The following NXPE1 variants were observed in gnomAD, a reference collection of about 807,000 sequenced individuals.
NXPE1 encodes the protein neurexophilin and PC-esterase domain family member 1.
In NXPE1, 31 loss-of-function variants were observed where a neutral mutation model predicts 33.3. That is an observed-to-expected ratio of 0.93 (90% CI 0.70 to 1.26). NXPE1 has a LOEUF of 1.26. Among genes scored for constraint, NXPE1 ranks in the 50% most tolerant of loss-of-function variants. The pLI is 0.00. For synonymous variants in NXPE1, 229 were observed against 231.4 expected, an observed-to-expected ratio of 0.99 and a Z score of 0.09; for missense variants, 661 against 655.6, an observed-to-expected ratio of 1.01 and a Z score of -0.09.
intron 5 of NXPE1, among the ~76,000 whole-genome samples, chr11:114,536,019 C>G (rs1239290730): frequency 6.6e-6 from 1 of 152,096 alleles, no homozygotes; most frequent in Non-Finnish European, 1.5e-5. Flanking sequence ...CAAAATTGAC[C>G]ACATAGTTGG....
At chr11:114,545,042 T>A (rs1298483005) in intron 5 of NXPE1, among the ~76,000 whole-genome samples, 2 of 152,002 alleles carry the variant, frequency 1.3e-5, no homozygotes, top group African/African-American at 4.8e-5. Flanking sequence ...ATGGCTAAAA[T>A]TTAAAAAAAA....
intron 5 of NXPE1, among the ~76,000 whole-genome samples, chr11:114,539,872 T>C (rs533807667): frequency 6.6e-6 from 1 of 152,262 alleles, no homozygotes; most frequent in South Asian, 2.1e-4. Flanking sequence ...TCGTAAATTG[T>C]ATCAAGAAAA....
At chr11:114,528,536 A>T (rs1158045095) in intron 6 of NXPE1, among the ~76,000 whole-genome samples, 1 of 152,204 alleles carries the variant, frequency 6.6e-6, no homozygotes, top group Non-Finnish European at 1.5e-5. Context: ...AAGGAAGGTA[A>T]TGTGTGTGTC....
rs369157635 is a variant in NXPE1, at chr11:114,521,798, G to C, written c.*170C>G. The C allele has an allele frequency of 1.7e-4, 92 of 552,462 alleles. 1 individual carries two copies. In the South Asian group the frequency reaches 2.5e-3, roughly 15 times the overall value. 34.2% of individuals were successfully genotyped at this position (552,462 alleles called of 1,614,324 possible). A position where few individuals can be genotyped will look rare whatever the true frequency, so the allele number is the denominator to read the frequency against. ...GTCATTCTTCATGAATGATTCTCTT[G>C]GTTTTGCATCCCTTATCAGTTGTCA... is the stretch of plus-strand genomic sequence containing the variant. On this transcript the variant is annotated 3_prime_UTR_variant, in exon 9 of 9. Coordinates refer to ENST00000534921, the Ensembl canonical transcript of NXPE1.
At chr11:114,526,844 A>AG (rs1947385068) in intron 7 of NXPE1, among the ~76,000 whole-genome samples, 2 of 152,232 alleles carry the variant, frequency 1.3e-5, no homozygotes, top group Non-Finnish European at 2.9e-5. Flanking sequence ...ATGACAGGCA[A>AG]TTAGAAATTA....
At chr11:114,530,964 C>A in intron 5 of NXPE1, 56 bp from the exon 6 acceptor site, 1 of 1,466,694 alleles carries the variant, frequency 6.8e-7, no homozygotes, top group Non-Finnish European at 9.0e-7. Context: ...ATCATTTTTA[C>A]TTATTATGAG....
intron 5 of NXPE1, among the ~76,000 whole-genome samples, chr11:114,540,364 T>A (rs567546694): frequency 1.3e-5 from 2 of 152,270 alleles, no homozygotes; most frequent in Admixed American, 1.3e-4. Flanking sequence ...TATAGCAACA[T>A]GATTAGATTT....
chr11:114,533,761 C>G (rs1947681912), intron 5 of NXPE1, among the ~76,000 whole-genome samples: 1 of 152,178 alleles, frequency 6.6e-6, no homozygotes. Flanking sequence ...ATTGCTCAGG[C>G]TTGAGTAGGT....
chr11:114,538,858 T>C (rs562314624), intron 5 of NXPE1, among the ~76,000 whole-genome samples: 45 of 152,240 alleles, frequency 3.0e-4, no homozygotes, highest in Middle Eastern at 3.4e-3. Context: ...AGTTCAACCA[T>C]TGTGGAAGTC....
chr11:114,532,947 G>A (rs1241295720), intron 5 of NXPE1, among the ~76,000 whole-genome samples: 1 of 152,092 alleles, frequency 6.6e-6, no homozygotes, highest in Non-Finnish European at 1.5e-5. Context: ...GCAATAAAAG[G>A]ATTTGATGTA....
intron 5 of NXPE1, among the ~76,000 whole-genome samples, chr11:114,533,399 G>T (rs1947658590): frequency 6.6e-6 from 1 of 152,202 alleles, no homozygotes; most frequent in Non-Finnish European, 1.5e-5. Flanking sequence ...TCCAACTGAG[G>T]TACTTGGTTC....
At chr11:114,542,060 A>G (rs900354175) in intron 5 of NXPE1, among the ~76,000 whole-genome samples, 2 of 152,032 alleles carry the variant, frequency 1.3e-5, no homozygotes, top group Non-Finnish European at 1.5e-5. Flanking sequence ...GACTGTTCCC[A>G]CTTTTGTATG....
chr11:114,553,779 C>A, intron 1 of NXPE1: 1 of 984,780 alleles, frequency 1.0e-6, no homozygotes. Context: ...GTGAGCTGAA[C>A]CCAGCCTTTG....
At chr11:114,541,043 C>A (rs1948082774) in intron 5 of NXPE1, among the ~76,000 whole-genome samples, 1 of 151,570 alleles carries the variant, frequency 6.6e-6, no homozygotes, top group Admixed American at 6.6e-5. Flanking sequence ...GGGGTAGACC[C>A]AAAGCAATCT....
intron 7 of NXPE1, among the ~76,000 whole-genome samples, chr11:114,524,557 A>G (rs2134911223): frequency 6.6e-6 from 1 of 152,300 alleles, no homozygotes; most frequent in South Asian, 2.1e-4. Context: ...TTATGTTGGA[A>G]TTACAGTGTG....
intron 5 of NXPE1, 99 bp from the exon 6 acceptor site, chr11:114,531,007 A>C: frequency 8.2e-7 from 1 of 1,215,178 alleles, no homozygotes; most frequent in Non-Finnish European, 1.1e-6. Context: ...ATATTTGTAT[A>C]ATTGAATTCA....
At chr11:114,549,493 CAT>C (rs1379734525) in intron 5 of NXPE1, among the ~76,000 whole-genome samples, 1 of 151,964 alleles carries the variant, frequency 6.6e-6, no homozygotes, top group Non-Finnish European at 1.5e-5. Flanking sequence ...TGAGGAATTA[CAT>C]GATTATCTTC....
At chr11:114,533,727 A>T (rs1591271015) in intron 5 of NXPE1, among the ~76,000 whole-genome samples, 1 of 152,200 alleles carries the variant, frequency 6.6e-6, no homozygotes, top group South Asian at 2.1e-4. Flanking sequence ...AGGCGGCAGC[A>T]AGACTAGGGG....
At chr11:114,533,152 T>C (rs1947647720) in intron 5 of NXPE1, among the ~76,000 whole-genome samples, 1 of 152,228 alleles carries the variant, frequency 6.6e-6, no homozygotes, top group Admixed American at 6.5e-5. Flanking sequence ...AGACTTTTTT[T>C]CCCTTCTTTT....
Sources: allele counts gnomAD v4.1 joint callset (sites outside exome capture counted in the v4.1 genomes callset), GRCh38; gene constraint gnomAD v4.1.1; transcripts MANE v1.5; gene names NCBI Gene and HGNC (gene_info 2026-07-23, HGNC 2026-07-21).